Variants in KIF1C observed in about 807,000 individuals in gnomAD.
KIF1C encodes the protein kinesin family member 1C.
A neutral mutation model predicts 126.5 loss-of-function variants in KIF1C; 61 were observed. The ratio of observed to expected loss-of-function variants is 0.48; its 90% CI spans 0.39 to 0.60. The LOEUF is 0.60. KIF1C is among the 20% of genes least tolerant of loss of function. The probability of loss-of-function intolerance (pLI) is 0.00; values close to 1 mark genes in which losing one functional copy is unlikely to be tolerated. For missense variants in KIF1C, 1,315 were observed against 1,489.2 expected, an observed-to-expected ratio of 0.88 and a Z score of 1.93; for synonymous variants, 640 against 580.6, an observed-to-expected ratio of 1.10 and a Z score of -1.47.
intron 18 of KIF1C, among the ~76,000 whole-genome samples, chr17:5,016,160 T>G (rs1974967392): frequency 2.7e-5 from 4 of 148,958 alleles, no homozygotes; most frequent in Non-Finnish European, 6.0e-5. Flanking sequence ...TTTTTTGAGA[T>G]GGAGTCTCGC....
At chr17:5,018,768 A>G (rs931999756) in intron 18 of KIF1C, among the ~76,000 whole-genome samples, 5 of 151,992 alleles carry the variant, frequency 3.3e-5, no homozygotes, top group African/African-American at 9.7e-5. Context: ...TATCTTGTTT[A>G]TTGTCTGTCT....
chr17:5,000,723 G>C, intron 3 of KIF1C, 49 bp from the exon 4 acceptor site: 1 of 1,558,522 alleles, frequency 6.4e-7, no homozygotes, highest in Non-Finnish European at 8.9e-7. Flanking sequence ...GCAGGGACTG[G>C]GAATACCTGA....
chr17:5,027,652 A>G lies in KIF1C; in HGVS notation c.*3501A>G, dbSNP rs1395094857. The G allele has an allele frequency of 6.6e-6, 1 of 152,130 alleles. No individual in the cohort carries two copies. Among genetic ancestry groups the G allele is most frequent in the Non-Finnish European group, 1.5e-5 (1 of 68,050 alleles). 9.4% of individuals were successfully genotyped at this position (152,130 alleles called of 1,614,324 possible). ...TAGGATTCCAACCCAGGTCAACATA[A>G]CTAAAGCCCAAACCCCATCTCACCC... On this transcript the variant is annotated 3_prime_UTR_variant, in exon 23 of 23. Transcript: ENST00000320785.
intron 16 of KIF1C, among the ~76,000 whole-genome samples, chr17:5,012,891 T>C (rs955184045): frequency 6.6e-6 from 1 of 151,888 alleles, no homozygotes; most frequent in East Asian, 1.9e-4. Flanking sequence ...GAGAAGGGAA[T>C]GGGCCGGGTT....
At chr17:5,010,821 A>G (rs1974848425) in intron 16 of KIF1C, among the ~76,000 whole-genome samples, 1 of 150,598 alleles carries the variant, frequency 6.6e-6, no homozygotes, top group Admixed American at 6.6e-5. Flanking sequence ...AATTTATTTT[A>G]CTTTTTTGAG....
At position 5,000,305 on chromosome 17, in the gene KIF1C, C is replaced by G; in HGVS notation, c.59C>G (p.Thr20Ser). Residue 20 changes from threonine to serine, a missense_variant, in exon 3 of 23, where the codon ACC becomes AGC. Around this residue, in one of 2 missense-constraint regions of KIF1C, gnomAD observed 874 missense variants for 1,053.2 expected, o/e 0.83. Coordinates refer to ENST00000320785, the MANE Select transcript of KIF1C (RefSeq NM_006612.6). ...GTTCGGCCCTTTAACGCCCGTGAGA[C>G]CAGCCAGGATGCCAAGTGTGTGGTC... Reference protein sequence around the residue: ...VRVRPFNARETSQDAKCVVSM... With the variant: ...VRVRPFNARESSQDAKCVVSM... The G allele has an allele frequency of 6.3e-7, 1 of 1,594,434 alleles. No individual in the cohort carries two copies. The highest frequency in any genetic ancestry group is 1.1e-5 in the South Asian group (1 of 87,726).
chr17:4,999,349 T>G (rs1233160319), intron 1 of KIF1C, among the ~76,000 whole-genome samples: 1 of 152,210 alleles, frequency 6.6e-6, no homozygotes, highest in African/African-American at 2.4e-5. Flanking sequence ...ATTTGCAGTT[T>G]CCTCTCTGGT....
rs998519642 is a variant in KIF1C, at chr17:5,000,482, G to T, written c.106+130G>T. 7.0e-6 allele frequency: 5 copies of T among 712,788 alleles called. No individual in the cohort carries two copies. In the African/African-American group the frequency reaches 8.8e-5, roughly 13 times the overall value. The allele number at this position is 712,788 out of a possible 1,614,324, so 44.2% of individuals were successfully genotyped here. On this transcript the variant is annotated intron_variant, in intron 3 of 22. Coordinates refer to ENST00000320785, the MANE Select transcript of KIF1C (RefSeq NM_006612.6). ...CAGAGCAGGTGCTAGTCGTAAGGGC[G>T]GGGGCTGGGGCAGGCTGGCCTTTCC...
In KIF1C at chr17:5,023,175, C is replaced by T. The variant is rs1332056283; in HGVS notation, c.2629-293C>T. Among the ~76,000 whole-genome samples the T allele has an allele frequency of 6.6e-6, 1 of 152,044 alleles. No individual in the cohort carries two copies. Among genetic ancestry groups the T allele is most frequent in the East Asian group, 1.9e-4 (1 of 5,194 alleles). ...GACTACAGGCGCGCACCACCACACC[C>T]GGCTAATTTTTTTTTTTTGTATTTT... On this transcript the variant is annotated intron_variant, in intron 22 of 22. Coordinates refer to ENST00000320785, the MANE Select transcript of KIF1C (RefSeq NM_006612.6). The surrounding 1 kb of genome is among the most constrained non-coding windows in gnomAD (Gnocchi z 4.2).
At chr17:5,010,725 T>C (rs375667986) in intron 16 of KIF1C, among the ~76,000 whole-genome samples, 4 of 150,790 alleles carry the variant, frequency 2.7e-5, no homozygotes, top group Admixed American at 6.6e-5. Flanking sequence ...CCAGCCCAGG[T>C]GACAGAGCGA....
Position 5,007,340 on chromosome 17 carries a change from G to A in KIF1C, c.1413G>A (p.Glu471=). The A allele has an allele frequency of 6.2e-7, 1 of 1,613,752 alleles. No homozygotes were observed. The highest frequency in any genetic ancestry group is 8.5e-7 in the Non-Finnish European group (1 of 1,179,778). The change falls in exon 15 of 23, where the codon GAG becomes GAA. Residue 471 remains glutamate, a splice_region_variant and synonymous_variant. Coordinates refer to ENST00000320785, the MANE Select transcript of KIF1C (RefSeq NM_006612.6). ...GCAAGACAGAAGCCCTGAGGATGGA[G>A]AGGTGTGAGGGCCGACAGTTGGGGT... is the stretch of plus-strand genomic sequence containing the variant. ...KLRKTEALRM[E]REALLAEMGV...
chr17:5,014,924 G>T (rs773441898), intron 18 of KIF1C, 87 bp downstream of exon 18: 16 of 1,100,482 alleles, frequency 1.5e-5, no homozygotes, highest in Non-Finnish European at 1.9e-5. Flanking sequence ...TCTGGGTTGG[G>T]CACCAGGGAG....
In KIF1C at chr17:5,024,795, G is replaced by A. The variant is rs190571344; in HGVS notation, c.*644G>A. Reference sequence around the variant, plus strand: ...TAAGCATACTTATCAGTGAAGTATTGTATGTGTGCTCTGTGCAGGCACCAC... The same window carrying A: ...TAAGCATACTTATCAGTGAAGTATTATATGTGTGCTCTGTGCAGGCACCAC... On this transcript the variant is annotated 3_prime_UTR_variant, in exon 23 of 23. Transcript: ENST00000320785. The A allele has an allele frequency of 1.3e-5, 2 of 152,684 alleles. No homozygotes were observed. Among genetic ancestry groups the A allele is most frequent in the Non-Finnish European group, 2.9e-5 (2 of 68,132 alleles). The allele number at this position is 152,684 out of a possible 1,614,324, so 9.5% of individuals were successfully genotyped here. A position where few individuals can be genotyped will look rare whatever the true frequency, so the allele number is the denominator to read the frequency against.
rs1308656391 is a variant in KIF1C at position 5,024,334 on chromosome 17, G to A, written c.*183G>A. The A allele has an allele frequency of 9.8e-6, 5 of 507,832 alleles. No homozygotes were observed. Among genetic ancestry groups the A allele is most frequent in the Non-Finnish European group, 1.7e-5 (5 of 289,498 alleles). 31.5% of individuals were successfully genotyped at this position (507,832 alleles called of 1,614,324 possible). A position where few individuals can be genotyped will look rare whatever the true frequency, so the allele number is the denominator to read the frequency against. ...GAGGCTGAGGAAAGGAAGAGGGCAC[G>A]GAGTTGCCAGGAGCAAACCAAAGTG... is the stretch of plus-strand genomic sequence containing the variant. On this transcript the variant is annotated 3_prime_UTR_variant, in exon 23 of 23. Coordinates refer to ENST00000320785, the MANE Select transcript of KIF1C (RefSeq NM_006612.6).
In KIF1C at chr17:5,022,067, T is replaced by C; in HGVS notation, c.2011-25T>C. On this transcript the variant is annotated intron_variant, in intron 21 of 22. Coordinates refer to ENST00000320785, the MANE Select transcript of KIF1C (RefSeq NM_006612.6). This position sits in a 1 kb window ranked among gnomAD's most constrained non-coding sequence, Gnocchi z 4.9. The stretch of plus-strand genomic sequence containing the variant: ...GGCTCTGGATGTCCTTAGCCCTCTC[T>C]TCCTCTTTCTTTCTCTGGCCCCAGT... 1.3e-6 allele frequency: 2 copies of C among 1,576,078 alleles called. No individual in the cohort carries two copies.
rs1435023052 is a variant in KIF1C at position 5,026,744 on chromosome 17, A to AG, written c.*2593_*2594insG. The AG allele has an allele frequency of 6.6e-6, 1 of 150,454 alleles. No individual in the cohort carries two copies. The highest frequency in any genetic ancestry group is 1.5e-5 in the Non-Finnish European group (1 of 67,704). The allele number at this position is 150,454 out of a possible 1,614,324, so 9.3% of individuals were successfully genotyped here. A position where few individuals can be genotyped will look rare whatever the true frequency, so the allele number is the denominator to read the frequency against. ...TGGGCAAGAGTGGGACTCTCTCAAA[A>AG]AAAAAAAAAAAAAAAAATCCACATA... On this transcript the variant is annotated 3_prime_UTR_variant, in exon 23 of 23. Transcript: ENST00000320785.
chr17:5,027,130 T>A lies in KIF1C; in HGVS notation c.*2979T>A, dbSNP rs1975221827. The A allele has an allele frequency of 6.6e-6, 1 of 152,206 alleles. No homozygotes were observed. Among genetic ancestry groups the A allele is most frequent in the Non-Finnish European group, 1.5e-5 (1 of 68,042 alleles). The allele number at this position is 152,206 out of a possible 1,614,324, so 9.4% of individuals were successfully genotyped here. ...AGACTGAGGTTTTGTTTATTTATTT[T>A]TATTTATTTATTTTTTGAGACGGAG... On this transcript the variant is annotated 3_prime_UTR_variant, in exon 23 of 23. Coordinates refer to ENST00000320785, the MANE Select transcript of KIF1C (RefSeq NM_006612.6).
intron 11 of KIF1C, 45 bp downstream of exon 11, chr17:5,004,118 C>A: frequency 7.5e-7 from 1 of 1,340,392 alleles, no homozygotes; most frequent in Non-Finnish European, 1.1e-6. Flanking sequence ...ACACATCCCA[C>A]AAACTCTTTT....
At position 5,023,998 on chromosome 17, in the gene KIF1C, C is replaced by G. The variant is rs1338826212; in HGVS notation, c.3159C>G (p.Phe1053Leu). The change falls in exon 23 of 23, where the codon TTC (phenylalanine) becomes TTG (leucine). Residue 1053 changes from phenylalanine (F) to leucine (L), a missense_variant. Phe to Leu is a conservative substitution (Grantham distance 22). This residue lies in a region of KIF1C where 441 missense variants were observed against 436.1 expected (regional missense o/e 1.01). Transcript: ENST00000320785. The surrounding 1 kb of genome is among the most constrained non-coding windows in gnomAD (Gnocchi z 4.2). ...CTGCACAGCCTGAACCCCAGCACTTCCAGCCCAAAAAGCACAACTCTTATC... is the reference window on the plus strand; with the variant it reads ...CTGCACAGCCTGAACCCCAGCACTTGCAGCCCAAAAAGCACAACTCTTATC... The part of the protein sequence containing the change: ...AGSAQPEPQH[F>L]QPKKHNSYPQ... 5.0e-6 allele frequency: 8 copies of G among 1,600,944 alleles called. No individual in the cohort carries two copies. The highest frequency in any genetic ancestry group is 4.3e-6 in the Non-Finnish European group (5 of 1,173,400).
Sources: allele counts gnomAD v4.1 joint callset (sites outside exome capture counted in the v4.1 genomes callset), GRCh38; gene constraint gnomAD v4.1.1; regional missense constraint gnomAD v4.1.1; non-coding constraint Gnocchi (gnomAD v3.1); transcripts MANE v1.5; gene names NCBI Gene and HGNC (gene_info 2026-07-23, HGNC 2026-07-21).